PNPLA2: variants seen among roughly 807,000 people sequenced by gnomAD.
PNPLA2 encodes the protein patatin like domain 2, triacylglycerol lipase.
PNPLA2 carries 28 observed loss-of-function variants against 39.7 expected under a neutral mutation model. The ratio of observed to expected loss-of-function variants is 0.70; its 90% CI spans 0.52 to 0.97. PNPLA2 has a LOEUF of 0.97. Ranked by LOEUF, PNPLA2 falls within the 50% of genes least tolerant of loss-of-function variation. PNPLA2 has a pLI of 0.00. For missense variants in PNPLA2, 768 were observed against 698.2 expected, an observed-to-expected ratio of 1.10 and a Z score of -1.13; for synonymous variants, 392 against 321.1, an observed-to-expected ratio of 1.22 and a Z score of -2.36.
Position 823,842 on chromosome 11 carries a change from C to T in PNPLA2, c.906C>T (p.Ala302=), listed in dbSNP as rs972915182. 3 of 1,589,388 alleles carry T rather than the reference C, an allele frequency of 1.9e-6. No individual in the cohort carries two copies. Among genetic ancestry groups the T allele is most frequent in the South Asian group, 1.1e-5 (1 of 88,200 alleles). ...ATCACATCCTGGAGCACCTGCCCGCCCGGCTCAATGAGGGTGCGCACCTGG... is the reference window on the plus strand; with the variant it reads ...ATCACATCCTGGAGCACCTGCCCGCTCGGCTCAATGAGGGTGCGCACCTGG... The part of the protein sequence containing the change: ...GEDHILEHLP[A]RLNEALLEAC... The change falls in exon 7 of 10, where the codon GCC becomes GCT. Residue 302 remains alanine (A), a synonymous_variant. Transcript: ENST00000336615.
chr11:824,471 C>A, intron 9 of PNPLA2, 35 bp downstream of exon 9: 4 of 1,547,022 alleles, frequency 2.6e-6, no homozygotes, highest in Non-Finnish European at 3.5e-6. Context: ...CCGGGGCCCG[C>A]GGTGCTAGCG....
Position 819,702 on chromosome 11 carries a change from C to G in PNPLA2, c.-17C>G, listed in dbSNP as rs1486147207. On this transcript the variant is annotated 5_prime_UTR_variant, in exon 2 of 10. Coordinates refer to ENST00000336615, the MANE Select transcript of PNPLA2 (RefSeq NM_020376.4). ...CTGGCCGCCCACGGAACCCGGGGCC[C>G]GGCGGCCGCCGCCGCGATGTTTCCC... The G allele has an allele frequency of 3.4e-6, 5 of 1,478,584 alleles. No homozygotes were observed. In the African/African-American group the frequency reaches 4.4e-5, roughly 13 times the overall value. The allele number at this position is 1,478,584 out of a possible 1,614,324, so 91.6% of individuals were successfully genotyped here.
intron 4 of PNPLA2, 147 bp from the exon 5 acceptor site, chr11:822,250 G>A: frequency 1.2e-6 from 1 of 821,474 alleles, no homozygotes; most frequent in Non-Finnish European, 2.0e-6. Flanking sequence ...TGCCCAGGCT[G>A]GCCCACAGCC....
Position 819,814 on chromosome 11 carries a change from C to A in PNPLA2, c.96C>A (p.His32Gln). The change falls in exon 2 of 10, where the codon CAC becomes CAA. Residue 32 changes from histidine to glutamine, a missense_variant. Physicochemically the swap from His to Gln is conservative, Grantham distance 24. Transcript: ENST00000336615. ...GCGTGGCCTCCTGCCTCCGCGAGCA[C>A]GCGCCCTTCCTGGTGGCCAACGCCA... Reference protein sequence around the residue: ...YVGVASCLREHAPFLVANATH... With the variant: ...YVGVASCLREQAPFLVANATH... The A allele has an allele frequency of 6.7e-7, 1 of 1,498,792 alleles. No homozygotes were observed. Among genetic ancestry groups the A allele is most frequent in the Non-Finnish European group, 8.9e-7 (1 of 1,124,894 alleles). 92.8% of individuals were successfully genotyped at this position (1,498,792 alleles called of 1,614,324 possible).
rs1312751484 is a variant in PNPLA2 at position 822,605 on chromosome 11, T to C, written c.695T>C (p.Leu232Pro). ...LSKALFPPEP[L>P]VLREMCKQGY... Reference sequence around the variant, plus strand: ...AAGGCCCTCTTCCCGCCGGAGCCCCTGGTGAGCTCTGCTCCGAGGACTGTG... The same window carrying C: ...AAGGCCCTCTTCCCGCCGGAGCCCCCGGTGAGCTCTGCTCCGAGGACTGTG... Residue 232 changes from leucine to proline, a missense_variant and splice_region_variant, in exon 5 of 10, where the codon CTG becomes CCG. Transcript: ENST00000336615. The C allele has an allele frequency of 6.2e-7, 1 of 1,611,798 alleles. No individual in the cohort carries two copies. Among genetic ancestry groups the C allele is most frequent in the African/African-American group, 1.3e-5 (1 of 74,902 alleles).
In PNPLA2 at chr11:825,092, C is replaced by T. The variant is rs571146202; in HGVS notation, c.*230C>T. ...TCCCCTGTGCTGCCCGAGCACCTCC[C>T]CCGCCCCTTTACTCCTGAGAACTTT... On this transcript the variant is annotated 3_prime_UTR_variant, in exon 10 of 10. Coordinates refer to ENST00000336615, the MANE Select transcript of PNPLA2 (RefSeq NM_020376.4). The T allele has an allele frequency of 5.1e-6, 3 of 585,046 alleles. No homozygotes were observed. Among genetic ancestry groups the T allele is most frequent in the South Asian group, 2.0e-5 (1 of 50,026 alleles). 36.2% of individuals were successfully genotyped at this position (585,046 alleles called of 1,614,324 possible).
At chr11:819,351 G>C in intron 1 of PNPLA2, 2 of 948,906 alleles carry the variant, frequency 2.1e-6, no homozygotes, top group Non-Finnish European at 2.5e-6. Context: ...ACACCCCTAG[G>C]CGTGTGCCCC....
chr11:821,713 A>G lies in PNPLA2; in HGVS notation c.273A>G (p.Val91=). The G allele has an allele frequency of 6.2e-7, 1 of 1,613,984 alleles. No homozygotes were observed. The highest frequency in any genetic ancestry group is 8.5e-7 in the Non-Finnish European group (1 of 1,180,022). The change falls in exon 3 of 10, where the codon GTA becomes GTG. Residue 91 remains valine (V), a synonymous_variant. Coordinates refer to ENST00000336615, the MANE Select transcript of PNPLA2 (RefSeq NM_020376.4). The part of the protein sequence containing the change: ...LGPLHPSFNL[V]KIIRSFLLKV... The stretch of plus-strand genomic sequence containing the variant: ...CCCTGCACCCCTCCTTCAACCTGGT[A>G]AAGATCATCCGCAGTTTCCTGCTGA...
chr11:824,712 G>C lies in PNPLA2; in HGVS notation c.1365G>C (p.Pro455=), dbSNP rs370430327. The C allele has an allele frequency of 6.3e-7, 1 of 1,589,572 alleles. No homozygotes were observed. Among genetic ancestry groups the C allele is most frequent in the African/African-American group, 1.3e-5 (1 of 74,630 alleles). The part of the protein sequence containing the change: ...LGLFCTNVAF[P]PEALRMRAPA... Reference sequence around the variant, plus strand: ...TCTTCTGCACCAACGTGGCCTTCCCGCCCGAAGCTCTGCGCATGCGCGCAC... The same window carrying C: ...TCTTCTGCACCAACGTGGCCTTCCCCCCCGAAGCTCTGCGCATGCGCGCAC... The change falls in exon 10 of 10, where the codon CCG becomes CCC. Residue 455 remains proline (P), a synonymous_variant. Coordinates refer to ENST00000336615, the MANE Select transcript of PNPLA2 (RefSeq NM_020376.4).
In PNPLA2 at chr11:825,111, G is replaced by A. The variant is rs893416917; in HGVS notation, c.*249G>A. On this transcript the variant is annotated 3_prime_UTR_variant, in exon 10 of 10. Transcript: ENST00000336615. ...ACCTCCCCCGCCCCTTTACTCCTGAGAACTTTGCAGCTGCCCTTCCCTCCC... is the reference window on the plus strand; with the variant it reads ...ACCTCCCCCGCCCCTTTACTCCTGAAAACTTTGCAGCTGCCCTTCCCTCCC... The A allele has an allele frequency of 3.5e-6, 2 of 567,772 alleles. No individual in the cohort carries two copies. The highest frequency in any genetic ancestry group is 6.2e-6 in the Non-Finnish European group (2 of 321,168). 35.2% of individuals were successfully genotyped at this position (567,772 alleles called of 1,614,324 possible). A position where few individuals can be genotyped will look rare whatever the true frequency, so the allele number is the denominator to read the frequency against.
chr11:821,597 A>C, intron 2 of PNPLA2, 31 bp from the exon 3 acceptor site: 1 of 1,489,088 alleles, frequency 6.7e-7, no homozygotes, highest in Non-Finnish European at 9.4e-7. Context: ...GCCCAGGAGC[A>C]TGGGCCCCTA....
chr11:821,912 C>A, intron 3 of PNPLA2, 46 bp from the exon 4 acceptor site: 1 of 1,610,094 alleles, frequency 6.2e-7, no homozygotes, highest in Non-Finnish European at 8.5e-7. Context: ...CAGTGGGAAC[C>A]TCAAGGCCTC....
In PNPLA2 at chr11:824,114, C is replaced by T. The variant is rs1188969407; in HGVS notation, c.1036C>T (p.Leu346=). The T allele has an allele frequency of 1.3e-6, 2 of 1,599,052 alleles. No individual in the cohort carries two copies. Among genetic ancestry groups the T allele is most frequent in the Non-Finnish European group, 1.7e-6 (2 of 1,174,196 alleles). ...CTACACGCTGCCGCTGGAGAGCGCTCTGTCCTTCACCATCCGGTGTGAGGG... is the reference window on the plus strand; with the variant it reads ...CTACACGCTGCCGCTGGAGAGCGCTTTGTCCTTCACCATCCGGTGTGAGGG... The part of the protein sequence containing the change: ...VPYTLPLESA[L]SFTIRLLEWL... Residue 346 remains leucine, a synonymous_variant, in exon 8 of 10, where the codon CTG becomes TTG. Coordinates refer to ENST00000336615, the MANE Select transcript of PNPLA2 (RefSeq NM_020376.4).
chr11:824,675 T>G lies in PNPLA2; in HGVS notation c.1328T>G (p.Leu443Arg), dbSNP rs568660338. ...AAGTGGGAGGAGTGCCAGCGCCAGC[T>G]GCTGCTCGGCCTCTTCTGCACCAAC... ...LAKWEECQRQ[L>R]LLGLFCTNVA... The change falls in exon 10 of 10, where the codon CTG (leucine) becomes CGG (arginine). Residue 443 changes from leucine to arginine, a missense_variant. By Grantham distance (102) the Leu-to-Arg change is moderately radical. Coordinates refer to ENST00000336615, the MANE Select transcript of PNPLA2 (RefSeq NM_020376.4). 13 of 1,596,992 alleles carry G rather than the reference T, an allele frequency of 8.1e-6. No homozygotes were observed. The highest frequency in any genetic ancestry group is 2.7e-5 in the African/African-American group (2 of 74,806).
intron 2 of PNPLA2, among the ~76,000 whole-genome samples, chr11:820,334 C>A (rs1292749219): frequency 1.3e-5 from 2 of 152,182 alleles, no homozygotes; most frequent in African/African-American, 4.8e-5. Flanking sequence ...ATGGGGGTAG[C>A]CTCTTGAGAG....
intron 2 of PNPLA2, chr11:820,861 A>T (rs1297500676): frequency 6.6e-6 from 1 of 152,256 alleles, no homozygotes; most frequent in Non-Finnish European, 1.5e-5. Flanking sequence ...TGGCTTCAAG[A>T]TACATCAAGG....
chr11:822,473 C>G lies in PNPLA2; in HGVS notation c.563C>G (p.Ser188Trp). The G allele has an allele frequency of 6.2e-7, 1 of 1,614,100 alleles. No homozygotes were observed. Among genetic ancestry groups the G allele is most frequent in the Non-Finnish European group, 8.5e-7 (1 of 1,179,992 alleles). ...LKNTITVSPF[S>W]GESDICPQDS... ...AACACCATCACAGTGTCCCCCTTCT[C>G]GGGCGAGAGTGACATCTGTCCGCAG... Residue 188 changes from serine to tryptophan, a missense_variant, in exon 5 of 10, where the codon TCG becomes TGG. Coordinates refer to ENST00000336615, the MANE Select transcript of PNPLA2 (RefSeq NM_020376.4).
chr11:824,170 G>C, intron 8 of PNPLA2, 40 bp downstream of exon 8: 1 of 1,571,152 alleles, frequency 6.4e-7, no homozygotes, highest in Non-Finnish European at 8.6e-7. Context: ...CCCAGGGGAC[G>C]GACTTTGGGA....
intron 9 of PNPLA2, 23 bp from the exon 10 acceptor site, chr11:824,500 C>T (rs994157375): frequency 9.1e-6 from 14 of 1,544,636 alleles, no homozygotes; most frequent in Non-Finnish European, 1.2e-5. Flanking sequence ...TGAAGCCCTC[C>T]CTGCCGCATC....
Sources: gnomAD v4.1 joint callset for allele counts (sites outside exome capture counted in the v4.1 genomes callset) on GRCh38, gnomAD v4.1.1 for gene constraint, MANE v1.5 for transcripts, NCBI Gene and HGNC (gene_info 2026-07-23, HGNC 2026-07-21) for gene names.